Variants in GLG1 observed in about 807,000 individuals in gnomAD.
GLG1 encodes the protein Golgi apparatus protein 1.
Under a neutral mutation model 160.5 loss-of-function variants are expected in GLG1, and 38 were observed. The ratio of observed to expected loss-of-function variants is 0.24; its 90% CI spans 0.18 to 0.31. The LOEUF is 0.31. Among genes scored for constraint, GLG1 ranks in the 10% least tolerant of loss-of-function variants. GLG1 has a pLI of 1.00. For missense variants in GLG1, 1,373 were observed against 1,505.2 expected (o/e 0.91, Z 1.45); for synonymous variants, 644 against 543.4 (o/e 1.19, Z -2.57).
At chr16:74,466,242 C>T (rs890745360) in intron 18 of GLG1, among the ~76,000 whole-genome samples, 19 of 152,196 alleles carry the variant, frequency 1.2e-4, no homozygotes, top group African/African-American at 4.1e-4. Context: ...AGATATGAAT[C>T]AGACCCAATT....
intron 1 of GLG1, among the ~76,000 whole-genome samples, chr16:74,543,164 G>T (rs2017950988): frequency 6.6e-6 from 1 of 152,064 alleles, no homozygotes. Flanking sequence ...CAAATTACTG[G>T]TGCTTCTGAA....
At chr16:74,502,379 T>G (rs1227123723) in intron 4 of GLG1, among the ~76,000 whole-genome samples, 1 of 152,198 alleles carries the variant, frequency 6.6e-6, no homozygotes, top group Admixed American at 6.5e-5. Flanking sequence ...AGCTAGGTAG[T>G]TATTTTCTTT....
Position 74,467,787 on chromosome 16 carries a change from A to C in GLG1, c.2498T>G (p.Phe833Cys). The change falls in exon 18 of 26, where the codon TTC becomes TGC. Residue 833 changes from phenylalanine to cysteine, a missense_variant. Phe to Cys is a radical substitution (Grantham distance 205). Transcript: ENST00000422840. ...YEACKSDIKN[F>C]CSAVQYGNAQ... ...GTTGCCATATTGCACAGCGGAACAG[A>C]AGTTTTTGATGTCACTCTTGCAGGC... 1 of 1,613,414 alleles carries C rather than the reference A, an allele frequency of 6.2e-7. No individual in the cohort carries two copies. Among genetic ancestry groups the C allele is most frequent in the Non-Finnish European group, 8.5e-7 (1 of 1,179,398 alleles).
At chr16:74,567,997 T>C (rs1222449851) in intron 1 of GLG1, among the ~76,000 whole-genome samples, 2 of 152,116 alleles carry the variant, frequency 1.3e-5, no homozygotes, top group African/African-American at 4.8e-5. Context: ...AGCAAATGAG[T>C]CCACATAATC....
intron 2 of GLG1, among the ~76,000 whole-genome samples, chr16:74,512,522 C>T (rs1422608806): frequency 6.6e-6 from 1 of 152,026 alleles, no homozygotes; most frequent in Non-Finnish European, 1.5e-5. Flanking sequence ...TTCCAGCCTC[C>T]CAAAGTGCTG....
chr16:74,479,805 A>G (rs964421506), intron 11 of GLG1, among the ~76,000 whole-genome samples: 20 of 152,212 alleles, frequency 1.3e-4, no homozygotes, highest in African/African-American at 4.8e-4. Flanking sequence ...AAATACCAAG[A>G]GACTGAGGTA....
At chr16:74,520,822 G>C (rs939540817) in intron 2 of GLG1, among the ~76,000 whole-genome samples, 2 of 152,132 alleles carry the variant, frequency 1.3e-5, no homozygotes, top group Non-Finnish European at 2.9e-5. Flanking sequence ...CTTTGATTTT[G>C]ACCTGGGTTT....
chr16:74,505,234 CTCCAG>C (rs2016554383), intron 3 of GLG1, among the ~76,000 whole-genome samples: 1 of 152,184 alleles, frequency 6.6e-6, no homozygotes, highest in Admixed American at 6.5e-5. Flanking sequence ...TCACCTCTAA[CTCCAG>C]TATCAAATCC....
intron 6 of GLG1, 96 bp from the exon 7 acceptor site, chr16:74,493,236 A>C: frequency 2.7e-6 from 2 of 734,920 alleles, no homozygotes; most frequent in South Asian, 2.0e-5. Context: ...AGCCAAGTAC[A>C]TGTCAACAAC....
rs557802067 is a variant in GLG1 at position 74,562,555 on chromosome 16, G to A, written c.439-30402C>T. Among the ~76,000 whole-genome samples, 7 of 152,298 alleles carry A rather than the reference G, an allele frequency of 4.6e-5. No homozygotes were observed. The South Asian group carries it at 1.5e-3, about 32-fold the overall frequency. ...GCTCTCTGCAACCTCCACCTCCCGG[G>A]TTCAAGCAATTCTTGTGCCTCAGCC... On this transcript the variant is annotated intron_variant, in intron 1 of 25. Transcript: ENST00000422840.
chr16:74,573,785 G>A (rs2018906855), intron 1 of GLG1, among the ~76,000 whole-genome samples: 1 of 149,318 alleles, frequency 6.7e-6, no homozygotes, highest in Non-Finnish European at 1.5e-5. Context: ...ACCTGGCCCA[G>A]CCTATCTAGC....
chr16:74,480,821 G>C (rs1489275874), intron 10 of GLG1, among the ~76,000 whole-genome samples: 1 of 152,056 alleles, frequency 6.6e-6, no homozygotes, highest in East Asian at 1.9e-4. Context: ...CAAAGTGCTG[G>C]GATTACAGGC....
Position 74,448,197 on chromosome 16 carries a change from G to C in GLG1, c.*4970C>G, listed in dbSNP as rs1416141761. The C allele has an allele frequency of 6.6e-6, 1 of 152,258 alleles. No homozygotes were observed. Among genetic ancestry groups the C allele is most frequent in the African/African-American group, 2.4e-5 (1 of 41,442 alleles). 9.4% of individuals were successfully genotyped at this position (152,258 alleles called of 1,614,324 possible). On this transcript the variant is annotated 3_prime_UTR_variant, in exon 26 of 26. Coordinates refer to ENST00000422840, the MANE Select transcript of GLG1 (RefSeq NM_001145667.2). The stretch of plus-strand genomic sequence containing the variant: ...ACTTATCTATTATCTGAAGTCTGTG[G>C]AGGAAGGACCAAGAAGGGGTGCAGT...
intron 1 of GLG1, among the ~76,000 whole-genome samples, chr16:74,581,552 A>AG (rs1957937808): frequency 3.3e-5 from 5 of 150,574 alleles, no homozygotes; most frequent in Non-Finnish European, 5.9e-5. Context: ...AAAAAAAAAA[A>AG]GGCCAGGAGG....
intron 16 of GLG1, 121 bp downstream of exon 16, chr16:74,469,864 C>T (rs1489746284): frequency 7.1e-6 from 5 of 704,110 alleles, no homozygotes; most frequent in Admixed American, 6.2e-5. Context: ...AGGAGAGATG[C>T]GGGAGGCCTC....
At chr16:74,499,446 T>C (rs1046123485) in intron 4 of GLG1, among the ~76,000 whole-genome samples, 49 of 152,174 alleles carry the variant, frequency 3.2e-4, no homozygotes, top group African/African-American at 1.2e-3. Flanking sequence ...CCTATGTTTA[T>C]ATGTACTTAT....
intron 1 of GLG1, among the ~76,000 whole-genome samples, chr16:74,534,531 A>T (rs1467237697): frequency 8.0e-4 from 121 of 152,076 alleles, no homozygotes; most frequent in African/African-American, 2.7e-3. Context: ...TTTCAAAATA[A>T]TGTCAAATAA....
intron 3 of GLG1, among the ~76,000 whole-genome samples, chr16:74,506,581 CAAAAAAAA>C (rs56175030): frequency 1.5e-4 from 6 of 39,054 alleles, no homozygotes; most frequent in African/African-American, 4.4e-4. Context: ...GACTCCGTCT[CAAAAAAAA>C]AAAAAAAAAA....
chr16:74,469,807 G>A (rs947049383), intron 16 of GLG1, 178 bp downstream of exon 16: 19 of 594,572 alleles, frequency 3.2e-5, no homozygotes, highest in East Asian at 5.6e-5. Context: ...AACTACCATC[G>A]CCAGATGCTC....
Sources: gnomAD v4.1 joint callset for allele counts (sites outside exome capture counted in the v4.1 genomes callset) on GRCh38, gnomAD v4.1.1 for gene constraint, MANE v1.5 for transcripts, NCBI Gene and HGNC (gene_info 2026-07-23, HGNC 2026-07-21) for gene names.